The following PTPRD variants were observed in gnomAD, a reference collection of about 807,000 sequenced individuals.
PTPRD encodes the protein protein tyrosine phosphatase receptor type D.
Under a neutral mutation model 214.5 loss-of-function variants are expected in PTPRD, and 34 were observed. The ratio of observed to expected loss-of-function variants is 0.16; its 90% CI spans 0.12 to 0.21. The LOEUF (loss-of-function observed/expected upper bound fraction) is 0.21. PTPRD is among the 10% of genes least tolerant of loss of function. The pLI, the probability that PTPRD is intolerant of heterozygous loss-of-function variation, is 1.00. For synonymous variants in PTPRD, 1,128 were observed against 845.7 expected, an observed-to-expected ratio of 1.33 and a Z score of -5.79; for missense variants, 2,545 against 2,398.7, an observed-to-expected ratio of 1.06 and a Z score of -1.27.
chr9:8,548,885 G>C (rs950401580), intron 14 of PTPRD, among the ~76,000 whole-genome samples: 15 of 151,446 alleles, frequency 9.9e-5, no homozygotes, highest in South Asian at 2.1e-4. Flanking sequence ...GTAGAGACGG[G>C]GTTTCTCCAT....
intron 39 of PTPRD, among the ~76,000 whole-genome samples, chr9:8,349,768 C>T (rs2074909152): frequency 6.6e-6 from 1 of 152,130 alleles, no homozygotes; most frequent in Non-Finnish European, 1.5e-5. Context: ...AAGAGAACGG[C>T]AAGTTTAAAT....
chr9:8,963,071 T>A (rs2099167336), intron 11 of PTPRD: 1 of 151,892 alleles, frequency 6.6e-6, no homozygotes, highest in African/African-American at 2.4e-5. Context: ...TGAAAATGAA[T>A]AAACTATAAC....
At chr9:8,839,432 C>T (rs2097513125) in intron 11 of PTPRD, among the ~76,000 whole-genome samples, 1 of 152,150 alleles carries the variant, frequency 6.6e-6, no homozygotes, top group African/African-American at 2.4e-5. Flanking sequence ...TCAAGCAATT[C>T]TCCTGCCTCA....
At chr9:9,260,312 CA>C (rs1367013090) in intron 9 of PTPRD, among the ~76,000 whole-genome samples, 7 of 151,758 alleles carry the variant, frequency 4.6e-5, no homozygotes. Flanking sequence ...ATCTTGACTC[CA>C]AAGACTACTG....
chr9:9,527,537 T>C (rs953000499), intron 8 of PTPRD, among the ~76,000 whole-genome samples: 4 of 152,198 alleles, frequency 2.6e-5, no homozygotes, highest in African/African-American at 4.8e-5. Flanking sequence ...GACAAACTTC[T>C]TGCATTATTT....
chr9:9,393,699 T>G (rs2141015410), intron 9 of PTPRD, among the ~76,000 whole-genome samples: 1 of 152,312 alleles, frequency 6.6e-6, no homozygotes, highest in East Asian at 1.9e-4. Flanking sequence ...GCTATGTGAC[T>G]TGGTGAGTAG....
chr9:9,397,138 T>G (rs537163693), intron 9 of PTPRD, among the ~76,000 whole-genome samples: 17 of 152,104 alleles, frequency 1.1e-4, no homozygotes, highest in African/African-American at 4.1e-4. Flanking sequence ...CTATAAAGTA[T>G]TTCTTGTAAC....
At position 8,684,313 on chromosome 9, in the gene PTPRD, A is replaced by C. The variant is rs10118512; in HGVS notation, c.65-47469T>G. 5.9e-3 allele frequency among the ~76,000 whole-genome samples: 900 copies of C among 152,268 alleles called. 11 individuals carry two copies. Among genetic ancestry groups the C allele is most frequent in the African/African-American group, 0.021 (861 of 41,540 alleles). ...TTTGTATATCATCACTTCTCCTCAC[A>C]ATGATTTTGTAAGCCATCTCTATTT... On this transcript the variant is annotated intron_variant, in intron 12 of 45. Transcript: ENST00000381196.
At chr9:8,751,576 T>G (rs1469037811) in intron 11 of PTPRD, among the ~76,000 whole-genome samples, 2 of 152,156 alleles carry the variant, frequency 1.3e-5, no homozygotes, top group Admixed American at 6.5e-5. Context: ...AATTCAAACA[T>G]TCTTTCTTTC....
intron 11 of PTPRD, among the ~76,000 whole-genome samples, chr9:8,850,523 G>A (rs968297686): frequency 6.6e-6 from 1 of 151,866 alleles, no homozygotes; most frequent in Non-Finnish European, 1.5e-5. Context: ...TATTCCTCTA[G>A]AAAAACATAG....
At chr9:10,302,524 C>A (rs563741363) in intron 3 of PTPRD, among the ~76,000 whole-genome samples, 1 of 152,302 alleles carries the variant, frequency 6.6e-6, no homozygotes, top group African/African-American at 2.4e-5. Context: ...AGACCCATCT[C>A]ACGTGCAAAG....
intron 3 of PTPRD, among the ~76,000 whole-genome samples, chr9:10,065,191 G>GAAAGAAAGAAAGAAAGAAAGAAAGA (rs1555538041): frequency 1.6e-4 from 24 of 151,272 alleles, no homozygotes; most frequent in East Asian, 1.2e-3. Context: ...AAGAAAGAAA[G>GAAAGAAAGAAAGAAAGAAAGAAAGA]AAAAGGATGC....
At chr9:9,122,926 AC>A (rs1487724609) in intron 10 of PTPRD, among the ~76,000 whole-genome samples, 2 of 152,200 alleles carry the variant, frequency 1.3e-5, no homozygotes, top group African/African-American at 4.8e-5. Context: ...ATACAGTTAC[AC>A]CATTTATTTA....
At chr9:10,104,617 T>C (rs1333324678) in intron 3 of PTPRD, among the ~76,000 whole-genome samples, 5 of 151,896 alleles carry the variant, frequency 3.3e-5, no homozygotes, top group African/African-American at 1.2e-4. Context: ...TAATAATATT[T>C]TCTTTGATTG....
intron 8 of PTPRD, among the ~76,000 whole-genome samples, chr9:9,502,413 G>T (rs1385495591): frequency 6.6e-6 from 1 of 151,768 alleles, no homozygotes. Context: ...TGTCATCCAG[G>T]TTTATCCATG....
At chr9:8,475,676 A>G (rs2096749110) in intron 30 of PTPRD, among the ~76,000 whole-genome samples, 1 of 152,174 alleles carries the variant, frequency 6.6e-6, no homozygotes, top group Non-Finnish European at 1.5e-5. Flanking sequence ...ACTACAATCC[A>G]TTTCAGTGCA....
intron 10 of PTPRD, among the ~76,000 whole-genome samples, chr9:9,129,789 T>C (rs1346776013): frequency 6.6e-6 from 1 of 152,230 alleles, no homozygotes; most frequent in East Asian, 1.9e-4. Flanking sequence ...TGTAGTTATT[T>C]GTCCAACCAG....
intron 2 of PTPRD, among the ~76,000 whole-genome samples, chr9:10,370,872 C>G (rs747505404): frequency 6.6e-6 from 1 of 151,896 alleles, no homozygotes; most frequent in Non-Finnish European, 1.5e-5. Context: ...TCTCTGTGAT[C>G]AATAATCCTC....
At chr9:8,766,427 A>C (rs1243767843) in intron 11 of PTPRD, among the ~76,000 whole-genome samples, 1 of 152,138 alleles carries the variant, frequency 6.6e-6, no homozygotes, top group Non-Finnish European at 1.5e-5. Flanking sequence ...TTGCACCCTG[A>C]GCTGCCAGGG....
Sources: allele counts gnomAD v4.1 joint callset (sites outside exome capture counted in the v4.1 genomes callset), GRCh38; gene constraint gnomAD v4.1.1; transcripts MANE v1.5; gene names NCBI Gene and HGNC (gene_info 2026-07-23, HGNC 2026-07-21).